CRMP1: variants seen among roughly 807,000 people sequenced by gnomAD.
The protein encoded by CRMP1 is dihydropyrimidinase-related protein 1.
CRMP1 carries 19 observed loss-of-function variants against 68.3 expected under a neutral mutation model. That is an observed-to-expected ratio of 0.28 (90% CI 0.19 to 0.41). The LOEUF (loss-of-function observed/expected upper bound fraction) is 0.41, where lower values mean the gene tolerates loss of function less well. Ranked by LOEUF, CRMP1 falls within the 10% of genes least tolerant of loss-of-function variation. The pLI, the probability that CRMP1 is intolerant of heterozygous loss-of-function variation, is 1.00. For missense variants in CRMP1, 791 were observed against 967.4 expected, an observed-to-expected ratio of 0.82 and a Z score of 2.42; for synonymous variants, 439 against 399.6, an observed-to-expected ratio of 1.10 and a Z score of -1.18.
Position 5,888,360 on chromosome 4 carries a change from C to A in CRMP1, c.381+4229G>T. The A allele has an allele frequency of 8.1e-7, 1 of 1,230,666 alleles. No individual in the cohort carries two copies. The highest frequency in any genetic ancestry group is 1.0e-6 in the Non-Finnish European group (1 of 983,974). 76.2% of individuals were successfully genotyped at this position (1,230,666 alleles called of 1,614,324 possible). A position where few individuals can be genotyped will look rare whatever the true frequency, so the allele number is the denominator to read the frequency against. ...GCCCCGCTCCCAGCGGGCGCGCTGA[C>A]AAAGGCCCGGGAGGGATAGAGACAC... On this transcript the variant is annotated intron_variant, in intron 1 of 13. Coordinates refer to ENST00000324989, the MANE Select transcript of CRMP1 (RefSeq NM_001014809.3). The surrounding 1 kb of genome is among the most constrained non-coding windows in gnomAD (Gnocchi z 6.4).
intron 2 of CRMP1, among the ~76,000 whole-genome samples, chr4:5,864,476 C>CTTG (rs1713835347): frequency 6.6e-6 from 1 of 152,210 alleles, no homozygotes; most frequent in South Asian, 2.1e-4. Context: ...TGCCCTGAGG[C>CTTG]TGACAGGAGC....
chr4:5,871,435 C>T (rs754921023), intron 1 of CRMP1, among the ~76,000 whole-genome samples: 3 of 151,960 alleles, frequency 2.0e-5, no homozygotes, highest in Non-Finnish European at 2.9e-5. Context: ...CTGAGGTGGG[C>T]GGATCACGAG....
chr4:5,887,228 C>T (rs1715654099), intron 1 of CRMP1, among the ~76,000 whole-genome samples: 1 of 152,240 alleles, frequency 6.6e-6, no homozygotes, highest in Non-Finnish European at 1.5e-5. Context: ...CCTCCGCCTA[C>T]CTAAGGCTGC....
chr4:5,871,758 A>C (rs1420020087), intron 1 of CRMP1, among the ~76,000 whole-genome samples: 2 of 152,232 alleles, frequency 1.3e-5, no homozygotes, highest in Non-Finnish European at 2.9e-5. Flanking sequence ...GCCTCTGCTG[A>C]TATTTGATAC....
Position 5,888,156 on chromosome 4 carries a change from C to G in CRMP1, c.381+4433G>C. Reference sequence around the variant, plus strand: ...GCGCCCCTGCCGGCGCCCCGTGGATCTGGACCCTGCCGGGCGCCCACTCCC... The same window carrying G: ...GCGCCCCTGCCGGCGCCCCGTGGATGTGGACCCTGCCGGGCGCCCACTCCC... On this transcript the variant is annotated intron_variant, in intron 1 of 13. Coordinates refer to ENST00000324989, the MANE Select transcript of CRMP1 (RefSeq NM_001014809.3). This position sits in a 1 kb window ranked among gnomAD's most constrained non-coding sequence, Gnocchi z 6.4. The G allele has an allele frequency of 8.1e-7, 1 of 1,231,420 alleles. No individual in the cohort carries two copies. Among genetic ancestry groups the G allele is most frequent in the East Asian group, 3.2e-5 (1 of 31,196 alleles). The allele number at this position is 1,231,420 out of a possible 1,614,324, so 76.3% of individuals were successfully genotyped here.
Position 5,828,538 on chromosome 4 carries a change from C to A in CRMP1, c.1754G>T (p.Arg585Leu), listed in dbSNP as rs768763171. ...GTACAGGTGCTCCGGGAACGCCTTC[C>A]GCGGAATGAAGCGGCCCATGCCCTT... ...VNKGMGRFIP[R>L]KAFPEHLYQR... The change falls in exon 12 of 14, where the codon CGG becomes CTG. Residue 585 changes from arginine (R) to leucine (L), a missense_variant. Physicochemically the swap from Arg to Leu is moderately radical, Grantham distance 102. Coordinates refer to ENST00000324989, the MANE Select transcript of CRMP1 (RefSeq NM_001014809.3). The A allele has an allele frequency of 1.9e-6, 3 of 1,614,230 alleles. No individual in the cohort carries two copies. The highest frequency in any genetic ancestry group is 2.5e-6 in the Non-Finnish European group (3 of 1,180,036).
In CRMP1 at chr4:5,825,114, C is replaced by T; in HGVS notation, c.1969+380G>A. ...TGGGTGAACAGGCTAAAGACTTACA[C>T]AGAGCACATGCCCTGCAAATGGCAG... On this transcript the variant is annotated intron_variant, in intron 13 of 13. Coordinates refer to ENST00000324989, the MANE Select transcript of CRMP1 (RefSeq NM_001014809.3). The surrounding 1 kb of genome is among the most constrained non-coding windows in gnomAD (Gnocchi z 4.4). 1.0e-6 allele frequency: 1 copy of T among 985,426 alleles called. No individual in the cohort carries two copies. The allele number at this position is 985,426 out of a possible 1,614,324, so 61.0% of individuals were successfully genotyped here. A position where few individuals can be genotyped will look rare whatever the true frequency, so the allele number is the denominator to read the frequency against.
Position 5,860,152 on chromosome 4 carries a change from T to C in CRMP1, c.655+874A>G, listed in dbSNP as rs368794399. ...CTCACCAGGGCTCTCTGTGGCACAGTGTGCTCCTGTCAACTTTGGGCTCGG... is the reference window on the plus strand; with the variant it reads ...CTCACCAGGGCTCTCTGTGGCACAGCGTGCTCCTGTCAACTTTGGGCTCGG... On this transcript the variant is annotated intron_variant, in intron 3 of 13. Transcript: ENST00000324989. This position sits in a 1 kb window ranked among gnomAD's most constrained non-coding sequence, Gnocchi z 4.2. 2.0e-3 allele frequency among the ~76,000 whole-genome samples: 307 copies of C among 152,146 alleles called. No homozygotes were observed. Among genetic ancestry groups the C allele is most frequent in the Non-Finnish European group, 1.9e-3 (130 of 67,996 alleles).
chr4:5,829,868 G>A (rs371159093), intron 11 of CRMP1, among the ~76,000 whole-genome samples: 21 of 152,160 alleles, frequency 1.4e-4, no homozygotes, highest in South Asian at 4.1e-4. Context: ...GTCTGCACAC[G>A]TGAACATGTT....
chr4:5,880,929 GA>G (rs1715182521), intron 1 of CRMP1, among the ~76,000 whole-genome samples: 1 of 152,216 alleles, frequency 6.6e-6, no homozygotes, highest in Non-Finnish European at 1.5e-5. Context: ...AAGGGCTCCT[GA>G]GGAGAATCAG....
rs1715938581 is a variant in CRMP1, at chr4:5,891,276, A to AG, written c.381+1312_381+1313insC. On this transcript the variant is annotated intron_variant, in intron 1 of 13. Transcript: ENST00000324989. This position sits in a 1 kb window ranked among gnomAD's most constrained non-coding sequence, Gnocchi z 5.2. The stretch of plus-strand genomic sequence containing the variant: ...TCAGGACCACGGAGAGCTCTGGAGC[A>AG]ACAGCCCGCCCGCGAAGGGATGGGG... Among the ~76,000 whole-genome samples, 1 of 149,878 alleles carries AG rather than the reference A, an allele frequency of 6.7e-6. No individual in the cohort carries two copies. Among genetic ancestry groups the AG allele is most frequent in the Admixed American group, 6.6e-5 (1 of 15,114 alleles).
In CRMP1 at chr4:5,828,502, T is replaced by C; in HGVS notation, c.1790A>G (p.Lys597Arg). The change falls in exon 12 of 14, where the codon AAA (lysine) becomes AGA (arginine). Residue 597 changes from lysine (K) to arginine (R), a missense_variant. Around this residue, in one of 3 missense-constraint regions of CRMP1, gnomAD observed 594 missense variants for 763.6 expected, o/e 0.78. Coordinates refer to ENST00000324989, the MANE Select transcript of CRMP1 (RefSeq NM_001014809.3). The stretch of plus-strand genomic sequence containing the variant: ...AGACACACTCACCTTATTCCTGATT[T>C]TGACGCGCTGGTACAGGTGCTCCGG... ...AFPEHLYQRVKIRNKVFGLQG... is the reference protein window; with the variant it reads ...AFPEHLYQRVRIRNKVFGLQG... 1 of 1,614,092 alleles carries C rather than the reference T, an allele frequency of 6.2e-7. No homozygotes were observed. Among genetic ancestry groups the C allele is most frequent in the South Asian group, 1.1e-5 (1 of 91,074 alleles).
intron 4 of CRMP1, 47 bp from the exon 5 acceptor site, chr4:5,851,516 G>A: frequency 1.9e-6 from 3 of 1,559,592 alleles, no homozygotes; most frequent in Non-Finnish European, 2.7e-6. Context: ...AGAAAAAACA[G>A]AAGCATGTCT....
rs1305214417 is a variant in CRMP1 at position 5,841,859 on chromosome 4, G to A, written c.1033-431C>T. On this transcript the variant is annotated intron_variant, in intron 7 of 13. Coordinates refer to ENST00000324989, the MANE Select transcript of CRMP1 (RefSeq NM_001014809.3). The surrounding 1 kb of genome is among the most constrained non-coding windows in gnomAD (Gnocchi z 6.9). ...CCAGGGCATGGGCCCAGAAGACTCG[G>A]TAATGACCTGATGAGGACATCAGAA... Among the ~76,000 whole-genome samples the A allele has an allele frequency of 6.6e-6, 1 of 152,192 alleles. No individual in the cohort carries two copies. The highest frequency in any genetic ancestry group is 2.4e-5 in the African/African-American group (1 of 41,458).
chr4:5,852,429 G>A (rs542631405), intron 4 of CRMP1, among the ~76,000 whole-genome samples: 8 of 152,290 alleles, frequency 5.3e-5, no homozygotes, highest in African/African-American at 1.4e-4. Flanking sequence ...AGAGAAGGAC[G>A]CACTAAAATG....
At chr4:5,831,630 T>C (rs1030461853) in intron 11 of CRMP1, among the ~76,000 whole-genome samples, 2 of 152,158 alleles carry the variant, frequency 1.3e-5, no homozygotes, top group South Asian at 2.1e-4. Context: ...GGCCAGCCCT[T>C]GGGGACCTGG....
chr4:5,829,251 C>T (rs202208684), intron 11 of CRMP1, among the ~76,000 whole-genome samples: 9 of 152,034 alleles, frequency 5.9e-5, no homozygotes, highest in Admixed American at 1.3e-4. Flanking sequence ...CGGCCGGGCA[C>T]GGTGGCTCAT....
At chr4:5,873,153 G>C (rs1238910103) in intron 1 of CRMP1, among the ~76,000 whole-genome samples, 2 of 152,222 alleles carry the variant, frequency 1.3e-5, no homozygotes, top group Non-Finnish European at 2.9e-5. Flanking sequence ...CAGTGAGGGA[G>C]GCTAAGTCAA....
intron 13 of CRMP1, among the ~76,000 whole-genome samples, chr4:5,822,926 C>G (rs1718903677): frequency 6.6e-6 from 1 of 152,196 alleles, no homozygotes. Context: ...TATAAAATCT[C>G]CAGCAAGCCT....
Sources: allele counts gnomAD v4.1 joint callset (sites outside exome capture counted in the v4.1 genomes callset), GRCh38; gene constraint gnomAD v4.1.1; regional missense constraint gnomAD v4.1.1; non-coding constraint Gnocchi (gnomAD v3.1); transcripts MANE v1.5; gene names NCBI Gene and HGNC (gene_info 2026-07-23, HGNC 2026-07-21).